ACP6: variants seen among roughly 807,000 people sequenced by gnomAD.
ACP6 encodes acid phosphatase 6, lysophosphatidic.
In ACP6, 48 loss-of-function variants were observed where a neutral mutation model predicts 48.1. That is an observed-to-expected ratio of 1.00 (90% CI 0.79 to 1.27). The LOEUF is 1.27. Among genes scored for constraint, ACP6 ranks in the 50% most tolerant of loss-of-function variants. ACP6 has a pLI of 0.00. For missense variants in ACP6, 485 were observed against 529.1 expected, an observed-to-expected ratio of 0.92 and a Z score of 0.82; for synonymous variants, 172 against 204.2, an observed-to-expected ratio of 0.84 and a Z score of 1.34.
At position 147,647,279 on chromosome 1, in the gene ACP6, G is replaced by A; in HGVS notation, c.*144C>T. On this transcript the variant is annotated 3_prime_UTR_variant, in exon 10 of 10. Transcript: ENST00000583509. ...CTTTTCCGTTCAGGAAGAAATCTTA[G>A]TAAACCCACAGAAAGGAAATATCCT... 2.0e-6 allele frequency: 2 copies of A among 995,256 alleles called. No individual in the cohort carries two copies. Among genetic ancestry groups the A allele is most frequent in the South Asian group, 3.3e-5 (2 of 61,238 alleles). 61.7% of individuals were successfully genotyped at this position (995,256 alleles called of 1,614,324 possible). A position where few individuals can be genotyped will look rare whatever the true frequency, so the allele number is the denominator to read the frequency against.
At chr1:147,630,238 A>G (rs1224789971) in exon 6 of ACP6, 7 of 152,308 alleles carry the variant, frequency 4.6e-5, no homozygotes, top group Middle Eastern at 3.4e-3. Flanking sequence ...CTCATACCTC[A>G]GCACCTGCAC....
chr1:147,659,139 A>C (rs1251328689), intron 3 of ACP6, 100 bp from the exon 4 acceptor site: 1 of 1,188,854 alleles, frequency 8.4e-7, no homozygotes, highest in South Asian at 1.5e-5. Context: ...TCAAGAGTAC[A>C]TAAGGAGAGC....
chr1:147,665,679 G>C (rs782107890), intron 1 of ACP6, among the ~76,000 whole-genome samples: 1 of 152,196 alleles, frequency 6.6e-6, no homozygotes, highest in Non-Finnish European at 1.5e-5. Flanking sequence ...CACAGGGCCT[G>C]ACACAAAGCT....
chr1:147,648,451 G>T (rs369372085), intron 8 of ACP6, 40 bp from the exon 9 acceptor site: 6 of 1,608,934 alleles, frequency 3.7e-6, no homozygotes, highest in Non-Finnish European at 5.1e-6. Flanking sequence ...TCTGCCTCAG[G>T]ACTCTGAAGG....
In ACP6 at chr1:147,670,326, G is replaced by T; in HGVS notation, c.-278C>A. ...TCCTGCTGCACACCGGGCCGGGGGA[G>T]ATCGGATCCTTATCTTTTGCCCGAC... On this transcript the variant is annotated 5_prime_UTR_variant, in exon 1 of 10. Transcript: ENST00000583509. 2 of 364,964 alleles carry T rather than the reference G, an allele frequency of 5.5e-6. No individual in the cohort carries two copies. Among genetic ancestry groups the T allele is most frequent in the Non-Finnish European group, 1.0e-5 (2 of 200,702 alleles). 22.6% of individuals were successfully genotyped at this position (364,964 alleles called of 1,614,324 possible). A position where few individuals can be genotyped will look rare whatever the true frequency, so the allele number is the denominator to read the frequency against.
At chr1:147,633,314 T>C (rs587688229) in intron 5 of ACP6, among the ~76,000 whole-genome samples, 2 of 152,352 alleles carry the variant, frequency 1.3e-5, no homozygotes, top group East Asian at 3.9e-4. Context: ...GGTCCATCAA[T>C]TAAGACCAAT....
At position 147,646,177 on chromosome 1, in the gene ACP6, T is replaced by G. The variant is rs1163526704; in HGVS notation, c.*1246A>C. 6.6e-6 allele frequency: 1 copy of G among 152,170 alleles called. No homozygotes were observed. Among genetic ancestry groups the G allele is most frequent in the Admixed American group, 6.5e-5 (1 of 15,278 alleles). 9.4% of individuals were successfully genotyped at this position (152,170 alleles called of 1,614,324 possible). ...ATAGATTAAAGAAATAAACAGGTAG[T>G]ATTGATAAAACTTAACTGATTAGAC... is the stretch of plus-strand genomic sequence containing the variant. On this transcript the variant is annotated 3_prime_UTR_variant, in exon 10 of 10. Transcript: ENST00000583509.
intron 1 of ACP6, among the ~76,000 whole-genome samples, chr1:147,660,412 T>C (rs995230909): frequency 2.6e-5 from 4 of 152,208 alleles, no homozygotes; most frequent in Non-Finnish European, 5.9e-5. Flanking sequence ...CTGACACTCA[T>C]TGAGTCAGAT....
At chr1:147,652,313 G>A (rs1469392724) in intron 7 of ACP6, 136 bp downstream of exon 7, 3 of 827,290 alleles carry the variant, frequency 3.6e-6, no homozygotes, top group Non-Finnish European at 5.5e-6. Context: ...CTGGTAGGTG[G>A]GCAGAATGGG....
intron 1 of ACP6, among the ~76,000 whole-genome samples, chr1:147,664,702 A>T (rs1553213333): frequency 6.6e-6 from 1 of 152,200 alleles, no homozygotes; most frequent in African/African-American, 2.4e-5. Context: ...CATCTTGAGA[A>T]AACTTGACCC....
At chr1:147,636,968 C>G (rs1473546268) in intron 5 of ACP6, among the ~76,000 whole-genome samples, 2 of 152,194 alleles carry the variant, frequency 1.3e-5, no homozygotes, top group Non-Finnish European at 2.9e-5. Flanking sequence ...GTGGCCACAG[C>G]AGGAAGGCAT....
At chr1:147,654,142 G>C in intron 6 of ACP6, 52 bp downstream of exon 6, 1 of 1,597,322 alleles carries the variant, frequency 6.3e-7, no homozygotes, top group Non-Finnish European at 8.5e-7. Context: ...TTCTAACTCC[G>C]GAGCCAGCCC....
chr1:147,665,009 G>A (rs964770749), intron 1 of ACP6, among the ~76,000 whole-genome samples: 7 of 152,216 alleles, frequency 4.6e-5, no homozygotes, highest in Admixed American at 2.6e-4. Context: ...TAAAGAATGT[G>A]TATGGCAAAG....
chr1:147,653,290 C>T (rs7524226), intron 6 of ACP6, among the ~76,000 whole-genome samples: 1 of 151,758 alleles, frequency 6.6e-6, no homozygotes, highest in South Asian at 2.1e-4. Context: ...ACCACCACAC[C>T]CGGCTAAATT....
rs1639544860 is a variant in ACP6, at chr1:147,659,873, C to CT, written c.220-99dup. Reference sequence around the variant, plus strand: ...CACTCAGAACACATGGCTGGAATCACTGACACTAGGCCTGCAACCTTCCTA... The same window carrying CT: ...CACTCAGAACACATGGCTGGAATCACTTGACACTAGGCCTGCAACCTTCCTA... On this transcript the variant is annotated intron_variant, in intron 1 of 9. Coordinates refer to ENST00000583509, the MANE Select transcript of ACP6 (RefSeq NM_016361.5). 6 of 1,443,836 alleles carry CT rather than the reference C, an allele frequency of 4.2e-6. No individual in the cohort carries two copies. The East Asian group carries it at 1.2e-4, about 28-fold the overall frequency. The allele number at this position is 1,443,836 out of a possible 1,614,324, so 89.4% of individuals were successfully genotyped here. A position where few individuals can be genotyped will look rare whatever the true frequency, so the allele number is the denominator to read the frequency against.
rs782805660 is a variant in ACP6, at chr1:147,650,234, T to A, written c.886A>T (p.Ser296Cys). Residue 296 changes from serine to cysteine, a missense_variant, in exon 8 of 10, where the codon AGT becomes TGT. By Grantham distance (112) the Ser-to-Cys change is moderately radical. Coordinates refer to ENST00000583509, the MANE Select transcript of ACP6 (RefSeq NM_016361.5). ...LYILPKEDRE[S>C]LQMAVGPFLH... ...AATGGGCCTACTGCCATCTGAAGACTTTCCCTGTGAAAAGTGAACAACATT... is the reference window on the plus strand; with the variant it reads ...AATGGGCCTACTGCCATCTGAAGACATTCCCTGTGAAAAGTGAACAACATT... The A allele has an allele frequency of 1.9e-6, 3 of 1,597,826 alleles. No individual in the cohort carries two copies.
chr1:147,639,278 C>G (rs1274382077), downstream of ACP6, among the ~76,000 whole-genome samples: 2 of 148,946 alleles, frequency 1.3e-5, no homozygotes, highest in Non-Finnish European at 2.9e-5. Context: ...TGTTACCTTA[C>G]TCCTAGAACT....
chr1:147,647,260 C>T lies in ACP6; in HGVS notation c.*163G>A, dbSNP rs907580898. ...TGGTCTCAATATTATACCCCTTTTCCGTTCAGGAAGAAATCTTAGTAAACC... is the reference window on the plus strand; with the variant it reads ...TGGTCTCAATATTATACCCCTTTTCTGTTCAGGAAGAAATCTTAGTAAACC... On this transcript the variant is annotated 3_prime_UTR_variant, in exon 10 of 10. Coordinates refer to ENST00000583509, the MANE Select transcript of ACP6 (RefSeq NM_016361.5). The T allele has an allele frequency of 5.6e-5, 47 of 840,456 alleles. No individual in the cohort carries two copies. The highest frequency in any genetic ancestry group is 3.9e-4 in the South Asian group (22 of 55,950). The allele number at this position is 840,456 out of a possible 1,614,324, so 52.1% of individuals were successfully genotyped here. A position where few individuals can be genotyped will look rare whatever the true frequency, so the allele number is the denominator to read the frequency against.
chr1:147,649,553 T>C (rs587689186), intron 8 of ACP6, among the ~76,000 whole-genome samples: 6 of 152,090 alleles, frequency 3.9e-5, no homozygotes, highest in African/African-American at 1.4e-4. Flanking sequence ...CAAGCAACTC[T>C]CCTGACTCAA....
Sources: gnomAD v4.1 joint callset for allele counts (sites outside exome capture counted in the v4.1 genomes callset) on GRCh38, gnomAD v4.1.1 for gene constraint, MANE v1.5 for transcripts, NCBI Gene and HGNC (gene_info 2026-07-23, HGNC 2026-07-21) for gene names.